The following PLCL1 variants were observed in gnomAD, a reference collection of about 807,000 sequenced individuals.
PLCL1 encodes the protein phospholipase C like 1 (inactive).
In PLCL1, 41 loss-of-function variants were observed where a neutral mutation model predicts 84.4. The ratio of observed to expected loss-of-function variants is 0.49; its 90% CI spans 0.38 to 0.63. PLCL1 has a LOEUF of 0.63. Among genes scored for constraint, PLCL1 ranks in the 30% least tolerant of loss-of-function variants. The pLI, the probability that PLCL1 is intolerant of heterozygous loss-of-function variation, is 0.00. For synonymous variants in PLCL1, 490 were observed against 488.3 expected (o/e 1.00, Z -0.05); for missense variants, 1,206 against 1,367.8 (o/e 0.88, Z 1.87).
At chr2:197,843,678 A>G (rs1687061513) in intron 1 of PLCL1, among the ~76,000 whole-genome samples, 1 of 152,156 alleles carries the variant, frequency 6.6e-6, no homozygotes, top group South Asian at 2.1e-4. Flanking sequence ...AGGCTCTGCT[A>G]CTACTCTGCT....
At chr2:197,824,243 T>C (rs543889552) in intron 1 of PLCL1, among the ~76,000 whole-genome samples, 1 of 152,264 alleles carries the variant, frequency 6.6e-6, no homozygotes, top group South Asian at 2.1e-4. Flanking sequence ...TGTGAAGGCA[T>C]CTGTTAGAAT....
At chr2:198,001,778 C>T (rs935830745) in intron 1 of PLCL1, among the ~76,000 whole-genome samples, 1 of 152,112 alleles carries the variant, frequency 6.6e-6, no homozygotes, top group Non-Finnish European at 1.5e-5. Flanking sequence ...ACAGTCACTC[C>T]CCATCACTCA....
Position 197,859,853 on chromosome 2 carries a change from A to G in PLCL1, c.240+54514A>G, listed in dbSNP as rs190609768. On this transcript the variant is annotated intron_variant, in intron 1 of 5. Coordinates refer to ENST00000428675, the MANE Select transcript of PLCL1 (RefSeq NM_006226.4). ...ATTACAAAATTGCCTAACAGTGCAC[A>G]TTACAGAACAGATCTCTGTCTTTTA... is the stretch of plus-strand genomic sequence containing the variant. Among the ~76,000 whole-genome samples the G allele has an allele frequency of 3.3e-3, 501 of 152,294 alleles. 2 individuals carry two copies. Among genetic ancestry groups the G allele is most frequent in the Middle Eastern group, 0.017 (5 of 294 alleles).
chr2:197,891,633 CTG>C (rs1398433102), intron 1 of PLCL1, among the ~76,000 whole-genome samples: 1 of 149,466 alleles, frequency 6.7e-6, no homozygotes, highest in East Asian at 2.0e-4. Flanking sequence ...ATGATTAGAA[CTG>C]TGTTTGAGAT....
intron 1 of PLCL1, among the ~76,000 whole-genome samples, chr2:197,820,227 T>C (rs1690788653): frequency 6.6e-6 from 1 of 152,148 alleles, no homozygotes. Flanking sequence ...TTTGGGCTTC[T>C]GACTCTTCAA....
At chr2:198,022,303 G>A (rs1436815583) in intron 1 of PLCL1, among the ~76,000 whole-genome samples, 4 of 152,112 alleles carry the variant, frequency 2.6e-5, no homozygotes, top group South Asian at 4.2e-4. Flanking sequence ...CATACTGAAT[G>A]GGCAAATGCT....
Position 198,148,101 on chromosome 2 carries a change from G to A in PLCL1, c.*1139G>A, listed in dbSNP as rs1387056272. The A allele has an allele frequency of 6.6e-6, 1 of 152,210 alleles. No individual in the cohort carries two copies. The highest frequency in any genetic ancestry group is 2.4e-5 in the African/African-American group (1 of 41,436). 9.4% of individuals were successfully genotyped at this position (152,210 alleles called of 1,614,324 possible). ...GACTAATTAGGGTACATTTATAATT[G>A]CATCTAGGTAATTTTTACCCTAATG... On this transcript the variant is annotated 3_prime_UTR_variant, in exon 6 of 6. Coordinates refer to ENST00000428675, the MANE Select transcript of PLCL1 (RefSeq NM_006226.4).
At chr2:198,125,919 A>G (rs954144289) in intron 5 of PLCL1, among the ~76,000 whole-genome samples, 1 of 152,208 alleles carries the variant, frequency 6.6e-6, no homozygotes, top group African/African-American at 2.4e-5. Context: ...TGTTCTGAAC[A>G]GACGTGTAAA....
chr2:197,899,721 C>T (rs1455103549), intron 1 of PLCL1, among the ~76,000 whole-genome samples: 1 of 150,122 alleles, frequency 6.7e-6, no homozygotes, highest in Non-Finnish European at 1.5e-5. Flanking sequence ...CTGCAAGCTC[C>T]GCCTCCCAGG....
intron 1 of PLCL1, among the ~76,000 whole-genome samples, chr2:197,991,200 C>A (rs1004534485): frequency 6.6e-6 from 1 of 152,078 alleles, no homozygotes; most frequent in Admixed American, 6.6e-5. Flanking sequence ...TCGCTTCGTG[C>A]CTTCTTGCTT....
chr2:198,025,674 A>G (rs1691246430), intron 1 of PLCL1, among the ~76,000 whole-genome samples: 1 of 152,122 alleles, frequency 6.6e-6, no homozygotes, highest in South Asian at 2.1e-4. Flanking sequence ...TAAACTAAAA[A>G]AATGTTTAGT....
chr2:197,958,395 A>G (rs1375110370), intron 1 of PLCL1, among the ~76,000 whole-genome samples: 2 of 152,074 alleles, frequency 1.3e-5, no homozygotes, highest in East Asian at 3.9e-4. Context: ...AACTCATCAT[A>G]TTTTAAGAAA....
intron 1 of PLCL1, among the ~76,000 whole-genome samples, chr2:197,931,671 A>G (rs866049058): frequency 1.0e-5 from 1 of 100,048 alleles, no homozygotes; most frequent in African/African-American, 3.8e-5. Flanking sequence ...CAACCAACCA[A>G]CCAACCACCC....
intron 5 of PLCL1, among the ~76,000 whole-genome samples, chr2:198,123,780 A>G (rs1693924764): frequency 6.6e-6 from 1 of 152,078 alleles, no homozygotes; most frequent in Non-Finnish European, 1.5e-5. Flanking sequence ...AGGAATGGGA[A>G]ACCAATTGTG....
chr2:197,855,560 A>G (rs1010563322), intron 1 of PLCL1, among the ~76,000 whole-genome samples: 1 of 151,808 alleles, frequency 6.6e-6, no homozygotes, highest in Non-Finnish European at 1.5e-5. Context: ...TCCTGCTTGG[A>G]TTCTACAGGC....
At chr2:198,074,877 G>C (rs570776874) in intron 1 of PLCL1, among the ~76,000 whole-genome samples, 2 of 152,314 alleles carry the variant, frequency 1.3e-5, no homozygotes, top group Non-Finnish European at 2.9e-5. Flanking sequence ...GCGTCTATTT[G>C]AAGGCCTACC....
At chr2:198,025,229 G>T (rs1691236558) in intron 1 of PLCL1, among the ~76,000 whole-genome samples, 2 of 152,014 alleles carry the variant, frequency 1.3e-5, no homozygotes, top group South Asian at 4.2e-4. Context: ...AGTTTTTAGT[G>T]TATGTTTTAG....
chr2:197,885,732 G>A (rs758388537), intron 1 of PLCL1, among the ~76,000 whole-genome samples: 2 of 152,092 alleles, frequency 1.3e-5, no homozygotes, highest in South Asian at 2.1e-4. Context: ...CCTTTGTTTC[G>A]CTATCTAATT....
intron 1 of PLCL1, among the ~76,000 whole-genome samples, chr2:197,819,764 T>G (rs1690775900): frequency 6.6e-6 from 1 of 152,060 alleles, no homozygotes. Flanking sequence ...AGAATAATAA[T>G]GAGCACACCA....
Sources: gnomAD v4.1 joint callset for allele counts (sites outside exome capture counted in the v4.1 genomes callset) on GRCh38, gnomAD v4.1.1 for gene constraint, MANE v1.5 for transcripts, NCBI Gene and HGNC (gene_info 2026-07-23, HGNC 2026-07-21) for gene names.